DCAF8L2: variants seen among roughly 807,000 people sequenced by gnomAD.
DCAF8L2 encodes DDB1 and CUL4 associated factor 8 like 2.
For synonymous variants in DCAF8L2, 200 were observed against 190.9 expected (o/e 1.05, Z -0.39); for missense variants, 430 against 490.7 (o/e 0.88, Z 1.17).
chrX:27,601,794 C>T (rs764953400), intron 1 of DCAF8L2, among the ~76,000 whole-genome samples: 2 of 111,049 alleles, frequency 1.8e-5, no homozygotes, highest in East Asian at 5.7e-4. Context: ...CCCCTCTACA[C>T]TTGCAACAAA....
chrX:27,573,254 T>TCTCACACACA, the DCAF8L2 span, among the ~76,000 whole-genome samples: 239 of 99,724 alleles, frequency 2.4e-3, 5 homozygotes, highest in African/African-American at 8.6e-3. Flanking sequence ...TCTCTCTCTC[T>TCTCACACACA]CACACACACA....
At chrX:27,710,787 AGTGTT>A (rs1931497881) in intron 3 of DCAF8L2, among the ~76,000 whole-genome samples, 1 of 112,233 alleles carries the variant, frequency 8.9e-6, no homozygotes, top group Non-Finnish European at 1.9e-5. Flanking sequence ...GTTTAAGAGA[AGTGTT>A]GAAAGGGGAC....
the DCAF8L2 span, among the ~76,000 whole-genome samples, chrX:27,528,019 AATT>A: frequency 4.6e-3 from 189 of 41,538 alleles, no homozygotes; most frequent in Admixed American, 0.012. Context: ...TAATTTAATT[AATT>A]ATTAAATTAA....
intron 1 of DCAF8L2, among the ~76,000 whole-genome samples, chrX:27,622,972 G>T (rs189082364): frequency 5.4e-5 from 6 of 112,021 alleles, no homozygotes; most frequent in Admixed American, 2.9e-4. Context: ...AAAGTAGTTG[G>T]TTAAAACATA....
At chrX:27,612,722 T>C (rs1239684008) in intron 1 of DCAF8L2, among the ~76,000 whole-genome samples, 2 of 112,073 alleles carry the variant, frequency 1.8e-5, no homozygotes, top group Middle Eastern at 8.3e-3. Flanking sequence ...CCATTTCTTG[T>C]TTTTGTCAGG....
At chrX:27,718,144 C>G (rs960117515) in intron 4 of DCAF8L2, among the ~76,000 whole-genome samples, 1 of 111,384 alleles carries the variant, frequency 9.0e-6, no homozygotes, top group Non-Finnish European at 1.9e-5. Context: ...GATATAGATC[C>G]AAAAATTCCA....
the DCAF8L2 span, among the ~76,000 whole-genome samples, chrX:27,525,724 G>C: frequency 9.0e-6 from 1 of 111,467 alleles, no homozygotes; most frequent in Non-Finnish European, 1.9e-5. Flanking sequence ...GGCAGGCCTG[G>C]TGGTGACAAA....
At chrX:27,710,848 A>T (rs1931500287) in intron 3 of DCAF8L2, among the ~76,000 whole-genome samples, 1 of 112,183 alleles carries the variant, frequency 8.9e-6, no homozygotes. Flanking sequence ...CTCTTTCACC[A>T]TTAAGTATGA....
At chrX:27,696,260 GAGAGAGAGAGAA>G (rs1418821540) in intron 3 of DCAF8L2, among the ~76,000 whole-genome samples, 2 of 73,874 alleles carry the variant, frequency 2.7e-5, no homozygotes, top group Non-Finnish European at 5.1e-5. Flanking sequence ...AAGGAAGGAA[GAGAGAGAGAGAA>G]AGAAAGAAAG....
At chrX:27,684,800 A>G (rs769709288) in intron 3 of DCAF8L2, among the ~76,000 whole-genome samples, 2 of 111,859 alleles carry the variant, frequency 1.8e-5, no homozygotes, top group African/African-American at 3.2e-5. Flanking sequence ...ATGAGCTCTT[A>G]CATATGATCC....
At chrX:27,656,627 A>C (rs1929363526) in intron 2 of DCAF8L2, among the ~76,000 whole-genome samples, 1 of 111,577 alleles carries the variant, frequency 9.0e-6, no homozygotes, top group Non-Finnish European at 1.9e-5. Context: ...GGGTGGCCCT[A>C]TTTCTCACTG....
At chrX:27,554,859 G>A in the DCAF8L2 span, among the ~76,000 whole-genome samples, 3 of 111,550 alleles carry the variant, frequency 2.7e-5, no homozygotes, top group African/African-American at 9.8e-5. Context: ...ATACACCAAG[G>A]AGCAGACATG....
upstream of DCAF8L2, among the ~76,000 whole-genome samples, chrX:27,587,985 A>AAAATATATATATATATATATATATATAT: frequency 1.8e-4 from 4 of 22,367 alleles, no homozygotes; most frequent in Non-Finnish European, 2.3e-4. Context: ...TAAAAAAAAA[A>AAAATATATATATATATATATATATATAT]ATATATATAT....
chrX:27,598,353 C>T (rs1201971684), intron 1 of DCAF8L2, among the ~76,000 whole-genome samples: 1 of 108,283 alleles, frequency 9.2e-6, no homozygotes, highest in Non-Finnish European at 1.9e-5. Flanking sequence ...TAACCCCCCC[C>T]ACCCAACCCC....
At chrX:27,479,188 T>C in the DCAF8L2 span, among the ~76,000 whole-genome samples, 1 of 110,956 alleles carries the variant, frequency 9.0e-6, no homozygotes, top group Non-Finnish European at 1.9e-5. Context: ...GAAGGTAGCC[T>C]CTGGCCAGCA....
At chrX:27,639,247 C>A (rs988583647) in intron 2 of DCAF8L2, among the ~76,000 whole-genome samples, 1 of 111,564 alleles carries the variant, frequency 9.0e-6, no homozygotes, top group Non-Finnish European at 1.9e-5. Flanking sequence ...AACAACTGAA[C>A]TCATGGACAT....
chrX:27,695,444 T>C (rs1930859696), intron 3 of DCAF8L2, among the ~76,000 whole-genome samples: 1 of 112,045 alleles, frequency 8.9e-6, no homozygotes, highest in South Asian at 3.7e-4. Context: ...TTTGGAGTTA[T>C]CAAAATGGAT....
intron 1 of DCAF8L2, among the ~76,000 whole-genome samples, chrX:27,610,758 A>G (rs1488431013): frequency 2.7e-5 from 3 of 112,101 alleles, no homozygotes; most frequent in African/African-American, 9.7e-5. Context: ...TCCCCACTGT[A>G]CTTCTAATTC....
At chrX:27,592,221 T>C (rs7061059) in intron 1 of DCAF8L2, among the ~76,000 whole-genome samples, 13,402 of 111,233 alleles carry the variant, frequency 0.12, 1,734 homozygotes, top group African/African-American at 0.39. Flanking sequence ...TGCCTCGTCA[T>C]AGTACCTGGG....
Sources: allele counts gnomAD v4.1 joint callset (sites outside exome capture counted in the v4.1 genomes callset), GRCh38; gene constraint gnomAD v4.1.1; transcripts MANE v1.5; gene names NCBI Gene and HGNC (gene_info 2026-07-23, HGNC 2026-07-21).